Variants in GRM7 observed in about 807,000 individuals in gnomAD.
GRM7 encodes metabotropic glutamate receptor 7.
GRM7 carries 35 observed loss-of-function variants against 84.5 expected under a neutral mutation model. The ratio of observed to expected loss-of-function variants is 0.41; its 90% CI spans 0.32 to 0.55. The LOEUF is 0.55. GRM7 is among the 20% of genes least tolerant of loss of function. The pLI is 0.19. For missense variants in GRM7, 1,003 were observed against 1,194.6 expected (o/e 0.84, Z 2.36); for synonymous variants, 487 against 455.1 (o/e 1.07, Z -0.89).
intron 2 of GRM7, among the ~76,000 whole-genome samples, chr3:7,272,813 T>G (rs1559543946): frequency 6.6e-6 from 1 of 152,060 alleles, no homozygotes. Flanking sequence ...GTTTTGTTGC[T>G]TTTTCTCTAG....
chr3:7,229,746 TATATA>T (rs1697112479), intron 2 of GRM7, among the ~76,000 whole-genome samples: 6 of 40,466 alleles, frequency 1.5e-4, no homozygotes, highest in Admixed American at 7.8e-4. Flanking sequence ...TATATATATA[TATATA>T]TATATATATT....
At chr3:7,631,178 T>G (rs1697844504) in intron 8 of GRM7, among the ~76,000 whole-genome samples, 1 of 152,212 alleles carries the variant, frequency 6.6e-6, no homozygotes, top group South Asian at 2.1e-4. Context: ...AGACCACCAG[T>G]GGGCAGTCAG....
intron 1 of GRM7, among the ~76,000 whole-genome samples, chr3:7,029,867 T>C (rs1696126233): frequency 6.6e-6 from 1 of 152,242 alleles, no homozygotes; most frequent in Non-Finnish European, 1.5e-5. Context: ...AAATTTTATG[T>C]TGTGTATACT....
intron 2 of GRM7, among the ~76,000 whole-genome samples, chr3:7,225,932 T>G (rs1696968223): frequency 6.6e-6 from 1 of 152,180 alleles, no homozygotes; most frequent in African/African-American, 2.4e-5. Flanking sequence ...TGTGAACAGT[T>G]AAATATTTTT....
chr3:7,102,436 C>G (rs572727118), intron 1 of GRM7, among the ~76,000 whole-genome samples: 3 of 151,846 alleles, frequency 2.0e-5, no homozygotes, highest in African/African-American at 7.2e-5. Context: ...CTGTTTTTCT[C>G]TGGCTGCTTC....
At position 7,618,734 on chromosome 3, in the gene GRM7, G is replaced by C. The variant is rs142124751; in HGVS notation, c.2451+39377G>C. On this transcript the variant is annotated intron_variant, in intron 8 of 9. Transcript: ENST00000357716. ...CTTTCCCAGAAGCTGTCAAGCAATT[G>C]CTCAATCTGCTCACTCCTTTAGGAG... Among the ~76,000 whole-genome samples, 572 of 152,208 alleles carry C rather than the reference G, an allele frequency of 3.8e-3. 2 individuals carry two copies. Among genetic ancestry groups the C allele is most frequent in the Middle Eastern group, 6.8e-3 (2 of 292 alleles).
At chr3:7,095,081 C>T (rs1242864466) in intron 1 of GRM7, among the ~76,000 whole-genome samples, 1 of 151,568 alleles carries the variant, frequency 6.6e-6, no homozygotes, top group Non-Finnish European at 1.5e-5. Context: ...ATAATAGAAT[C>T]TCTTGGTCTC....
chr3:7,153,789 A>G (rs1694361247), intron 2 of GRM7, among the ~76,000 whole-genome samples: 2 of 151,686 alleles, frequency 1.3e-5, no homozygotes, highest in Non-Finnish European at 2.9e-5. Flanking sequence ...ATAATGATAA[A>G]TAATAATTCT....
intron 4 of GRM7, among the ~76,000 whole-genome samples, chr3:7,338,340 TG>T (rs1197910381): frequency 6.6e-6 from 1 of 151,762 alleles, no homozygotes; most frequent in African/African-American, 2.4e-5. Context: ...TCTGGGGACT[TG>T]GGGGGAAGTG....
chr3:7,008,241 G>A (rs1167864540), intron 1 of GRM7, among the ~76,000 whole-genome samples: 1 of 152,114 alleles, frequency 6.6e-6, no homozygotes, highest in African/African-American at 2.4e-5. Flanking sequence ...AGGGCTAATT[G>A]GCTGTGCAGC....
chr3:7,483,441 C>T (rs1699207819), intron 7 of GRM7, among the ~76,000 whole-genome samples: 1 of 152,084 alleles, frequency 6.6e-6, no homozygotes, highest in South Asian at 2.1e-4. Context: ...AGGAGCAGAA[C>T]CCTCGAGGCC....
intron 2 of GRM7, among the ~76,000 whole-genome samples, chr3:7,223,493 A>AT (rs900522455): frequency 2.9e-5 from 4 of 137,926 alleles, no homozygotes; most frequent in African/African-American, 8.3e-5. Context: ...TTTCTCTAAT[A>AT]TTTTTTTTTC....
intron 8 of GRM7, among the ~76,000 whole-genome samples, chr3:7,583,392 G>A (rs541223038): frequency 1.8e-4 from 27 of 152,272 alleles, no homozygotes; most frequent in Admixed American, 1.0e-3. Context: ...GTAGATAAAT[G>A]TTTCTCCATC....
intron 1 of GRM7, among the ~76,000 whole-genome samples, chr3:7,014,673 C>T (rs1272766451): frequency 1.3e-5 from 2 of 152,140 alleles, no homozygotes; most frequent in East Asian, 3.9e-4. Flanking sequence ...TTACTGTGTT[C>T]TGCCTCAAGT....
chr3:7,676,107 C>A (rs1700110844), intron 8 of GRM7, among the ~76,000 whole-genome samples: 1 of 152,034 alleles, frequency 6.6e-6, no homozygotes, highest in African/African-American at 2.4e-5. Flanking sequence ...ATGTGAAATA[C>A]CTAACCTTAA....
chr3:7,418,873 A>T (rs962791972), intron 5 of GRM7, among the ~76,000 whole-genome samples: 4 of 152,168 alleles, frequency 2.6e-5, no homozygotes, highest in African/African-American at 9.7e-5. Context: ...TGCCTGTGAG[A>T]GCTTGGATAA....
intron 4 of GRM7, among the ~76,000 whole-genome samples, chr3:7,378,917 A>T (rs1012498097): frequency 6.6e-6 from 1 of 152,182 alleles, no homozygotes; most frequent in Admixed American, 6.5e-5. Context: ...CAACAATGTC[A>T]TGCAATGCAT....
At chr3:6,978,402 C>T (rs1047344183) in intron 1 of GRM7, among the ~76,000 whole-genome samples, 2 of 152,042 alleles carry the variant, frequency 1.3e-5, no homozygotes, top group Non-Finnish European at 2.9e-5. Context: ...TCTTCAGTCA[C>T]TTAGTTTGTG....
chr3:6,862,912 T>C lies in GRM7; in HGVS notation c.519+1005T>C, dbSNP rs1304722204. ...GGAGAAAAAATGGGAGGAAGGCGGA[T>C]CCGGGGCCGCTGAGCGGTGGGTTCT... On this transcript the variant is annotated intron_variant, in intron 1 of 9. Coordinates refer to ENST00000357716, the MANE Select transcript of GRM7 (RefSeq NM_000844.4). The surrounding 1 kb of genome is among the most constrained non-coding windows in gnomAD (Gnocchi z 5.2). 7.0e-6 allele frequency: 3 copies of C among 430,580 alleles called. No homozygotes were observed. The highest frequency in any genetic ancestry group is 4.1e-5 in the African/African-American group (2 of 48,538). 26.7% of individuals were successfully genotyped at this position (430,580 alleles called of 1,614,324 possible).
Sources: gnomAD v4.1 joint callset for allele counts (sites outside exome capture counted in the v4.1 genomes callset) on GRCh38, gnomAD v4.1.1 for gene constraint, Gnocchi (gnomAD v3.1) non-coding constraint, MANE v1.5 for transcripts, NCBI Gene and HGNC (gene_info 2026-07-23, HGNC 2026-07-21) for gene names.